The following TPCN2 variants were observed in gnomAD, a reference collection of about 807,000 sequenced individuals.
TPCN2 encodes two pore channel protein 2.
TPCN2 carries 92 observed loss-of-function variants against 111.4 expected under a neutral mutation model. The observed-to-expected ratio is 0.83, with a 90% CI of 0.70 to 0.98. TPCN2 has a LOEUF of 0.98. Ranked by LOEUF, TPCN2 falls within the 50% of genes least tolerant of loss-of-function variation. The probability of loss-of-function intolerance (pLI) is 0.00; values close to 1 mark genes in which losing one functional copy is unlikely to be tolerated. For missense variants in TPCN2, 995 were observed against 980.1 expected (o/e 1.02, Z -0.20); for synonymous variants, 405 against 414.5 (o/e 0.98, Z 0.28).
At position 69,072,693 on chromosome 11, in the gene TPCN2, A is replaced by G. The variant is rs1855587785; in HGVS notation, c.1128A>G (p.Lys376=). The change falls in exon 12 of 25, where the codon AAA becomes AAG. Residue 376 remains lysine, a synonymous_variant. Coordinates refer to ENST00000294309, the MANE Select transcript of TPCN2 (RefSeq NM_139075.4). ...LQKVQLDSSH[K]QAMMEKVRSY... is the part of the protein sequence containing the mutation. The stretch of plus-strand genomic sequence containing the variant: ...AGGTCCAGCTGGACAGCTCCCACAA[A>G]CAGGCCATGATGGAGGTACCCGCCC... The G allele has an allele frequency of 5.6e-6, 9 of 1,613,640 alleles. No homozygotes were observed. The highest frequency in any genetic ancestry group is 6.8e-6 in the Non-Finnish European group (8 of 1,179,974).
At chr11:69,054,181 G>T in intron 2 of TPCN2, 84 bp downstream of exon 2, 1 of 1,092,758 alleles carries the variant, frequency 9.2e-7, no homozygotes, top group Non-Finnish European at 1.4e-6. Flanking sequence ...GACTGACTGG[G>T]TCCAAGGCCT....
At chr11:69,079,206 T>C (rs1855907447) in intron 16 of TPCN2, 186 bp downstream of exon 16, 1 of 720,006 alleles carries the variant, frequency 1.4e-6, no homozygotes, top group African/African-American at 1.8e-5. Context: ...CGGTGAGGTC[T>C]TTAGGAGGCT....
chr11:69,078,512 T>C lies in TPCN2; in HGVS notation c.1261T>C (p.Phe421Leu). 6.2e-7 allele frequency: 1 copy of C among 1,614,106 alleles called. No homozygotes were observed. Among genetic ancestry groups the C allele is most frequent in the Non-Finnish European group, 8.5e-7 (1 of 1,180,022 alleles). ...HPPRPEYQSP[F>L]LQSAQFLFGH... ...GCCGAGGCCCGAGTACCAGTCTCCG[T>C]TTCTGCAGAGCGCCCAGTTCCTCTT... Residue 421 changes from phenylalanine to leucine, a missense_variant, in exon 14 of 25, where the codon TTT becomes CTT. Phe to Leu is a conservative substitution (Grantham distance 22, BLOSUM62 0). Transcript: ENST00000294309.
At chr11:69,069,846 G>T (rs1263988693) in intron 8 of TPCN2, among the ~76,000 whole-genome samples, 1 of 16,994 alleles carries the variant, frequency 5.9e-5, no homozygotes, top group Non-Finnish European at 1.1e-4. Flanking sequence ...TGACTGTGGG[G>T]AGGGCTGCAG....
intron 1 of TPCN2, among the ~76,000 whole-genome samples, 154 bp downstream of exon 1, chr11:69,049,260 G>C (rs1294773686): frequency 6.6e-6 from 1 of 152,188 alleles, no homozygotes; most frequent in Non-Finnish European, 1.5e-5. Context: ...CAGGCGAGCC[G>C]GTGTTCTGAG....
chr11:69,087,017 G>C, intron 23 of TPCN2, 95 bp from the exon 24 acceptor site: 1 of 1,038,124 alleles, frequency 9.6e-7, no homozygotes, highest in South Asian at 1.4e-5. Context: ...CCCCCTCAGC[G>C]GGTGCCCTGT....
chr11:69,070,466 C>T lies in TPCN2; in HGVS notation c.866C>T (p.Ala289Val). The change falls in exon 9 of 25, where the codon GCC becomes GTC. Residue 289 changes from alanine to valine, a missense_variant. Ala to Val is a moderately conservative substitution (Grantham distance 64). Transcript: ENST00000294309. ...IPAYSKNRAYAIFFIVFTVIG... is the reference protein window; with the variant it reads ...IPAYSKNRAYVIFFIVFTVIG... ...GCGTATTCCAAGAACCGGGCCTATGCCATCTTCTTCATAGTCTTCACTGTG... is the reference window on the plus strand; with the variant it reads ...GCGTATTCCAAGAACCGGGCCTATGTCATCTTCTTCATAGTCTTCACTGTG... 2 of 1,610,918 alleles carry T rather than the reference C, an allele frequency of 1.2e-6. No individual in the cohort carries two copies. Among genetic ancestry groups the T allele is most frequent in the Non-Finnish European group, 8.5e-7 (1 of 1,178,846 alleles).
chr11:69,060,214 C>T (rs1404877499), intron 5 of TPCN2, among the ~76,000 whole-genome samples: 3 of 152,258 alleles, frequency 2.0e-5, no homozygotes, highest in Non-Finnish European at 4.4e-5. Context: ...ACACAGGGGA[C>T]TGCCCAACCC....
intron 19 of TPCN2, 96 bp from the exon 20 acceptor site, chr11:69,085,114 A>G: frequency 1.7e-6 from 2 of 1,183,328 alleles, no homozygotes; most frequent in South Asian, 1.2e-5. Flanking sequence ...TCCTGGCCTC[A>G]CAGTCATCCT....
chr11:69,079,782 C>T (rs1855929677), intron 16 of TPCN2, 52 bp from the exon 17 acceptor site: 6 of 1,549,796 alleles, frequency 3.9e-6, no homozygotes, highest in South Asian at 2.3e-5. Context: ...CTTTAAGGGC[C>T]GCCCAGATTA....
At chr11:69,078,659 A>C (rs970027583) in intron 14 of TPCN2, 58 bp downstream of exon 14, 1 of 1,613,120 alleles carries the variant, frequency 6.2e-7, no homozygotes, top group African/African-American at 1.3e-5. Flanking sequence ...CCCACCTTGC[A>C]GGGGAGCCTG....
At chr11:69,077,715 C>A (rs1012321577) in intron 13 of TPCN2, among the ~76,000 whole-genome samples, 1 of 152,200 alleles carries the variant, frequency 6.6e-6, no homozygotes, top group African/African-American at 2.4e-5. Context: ...CCTGCCTGTT[C>A]ACGCAGCCAT....
chr11:69,072,921 C>G lies in TPCN2; in HGVS notation c.1150C>G (p.Arg384Gly), dbSNP rs532387308. ...TGTGCTCCTTCCTGTGCAGAAGGTG[C>G]GTTCCTATGGCAGTGTTCTGCTCTC... ...SHKQAMMEKV[R>G]SYGSVLLSAE... is the part of the protein sequence containing the mutation. The change falls in exon 13 of 25, where the codon CGT (arginine) becomes GGT (glycine). Residue 384 changes from arginine to glycine, a missense_variant. Coordinates refer to ENST00000294309, the MANE Select transcript of TPCN2 (RefSeq NM_139075.4). 1 of 1,611,946 alleles carries G rather than the reference C, an allele frequency of 6.2e-7. No individual in the cohort carries two copies. Among genetic ancestry groups the G allele is most frequent in the Admixed American group, 1.7e-5 (1 of 60,018 alleles).
At chr11:69,082,252 A>G (rs1324423407) in intron 18 of TPCN2, among the ~76,000 whole-genome samples, 1 of 152,218 alleles carries the variant, frequency 6.6e-6, no homozygotes, top group Admixed American at 6.5e-5. Flanking sequence ...TACAAGCACA[A>G]TCATACATAT....
intron 5 of TPCN2, among the ~76,000 whole-genome samples, chr11:69,061,911 A>G (rs971925779): frequency 5.9e-5 from 9 of 151,882 alleles, no homozygotes; most frequent in Non-Finnish European, 1.0e-4. Flanking sequence ...GGCAGGGAAG[A>G]TGGGGATATC....
chr11:69,077,273 GCCCTC>G, intron 13 of TPCN2, among the ~76,000 whole-genome samples: 2 of 119,594 alleles, frequency 1.7e-5, no homozygotes, highest in African/African-American at 7.0e-5. Flanking sequence ...CTGCCCTCCT[GCCCTC>G]CTGCCATGTC....
At chr11:69,082,221 G>T (rs940606113) in intron 18 of TPCN2, among the ~76,000 whole-genome samples, 10 of 152,170 alleles carry the variant, frequency 6.6e-5, no homozygotes, top group Admixed American at 6.5e-4. Context: ...GCGCACACGT[G>T]TTCACACATA....
intron 8 of TPCN2, among the ~76,000 whole-genome samples, chr11:69,070,071 C>T (rs1406146795): frequency 6.7e-6 from 1 of 149,514 alleles, no homozygotes; most frequent in Non-Finnish European, 1.5e-5. Flanking sequence ...GTCACCCAGA[C>T]TGGAGTGCAG....
intron 7 of TPCN2, among the ~76,000 whole-genome samples, chr11:69,066,202 C>T (rs528716658): frequency 2.0e-4 from 30 of 152,194 alleles, no homozygotes; most frequent in African/African-American, 6.0e-4. Flanking sequence ...GAGGGTGGGA[C>T]GGGGGATGCC....
Sources: gnomAD v4.1 joint callset for allele counts (sites outside exome capture counted in the v4.1 genomes callset) on GRCh38, gnomAD v4.1.1 for gene constraint, MANE v1.5 for transcripts, NCBI Gene and HGNC (gene_info 2026-07-23, HGNC 2026-07-21) for gene names.